Variants in CPPED1 observed in about 807,000 individuals in gnomAD.
CPPED1 encodes calcineurin like phosphoesterase domain containing 1.
CPPED1 carries 28 observed loss-of-function variants against 28.0 expected under a neutral mutation model. The ratio of observed to expected loss-of-function variants is 1.00; its 90% confidence interval spans 0.74 to 1.37. The LOEUF is 1.37. CPPED1 is among the 40% of genes most tolerant of loss of function. CPPED1 has a pLI of 0.00. For synonymous variants in CPPED1, 198 were observed against 180.2 expected, an observed-to-expected ratio of 1.10 and a Z score of -0.79; for missense variants, 504 against 416.5, an observed-to-expected ratio of 1.21 and a Z score of -1.83.
At chr16:12,800,403 G>T (rs1304622349) in intron 1 of CPPED1, among the ~76,000 whole-genome samples, 1 of 148,574 alleles carries the variant, frequency 6.7e-6, no homozygotes, top group Non-Finnish European at 1.5e-5. Flanking sequence ...CTGCACTGCA[G>T]TCTGGGTGAC....
At position 12,682,682 on chromosome 16, in the gene CPPED1, C is replaced by T. The variant is rs1314942090; in HGVS notation, c.716-17567G>A. Among the ~76,000 whole-genome samples the T allele has an allele frequency of 2.0e-5, 3 of 152,236 alleles. No individual in the cohort carries two copies. The highest frequency in any genetic ancestry group is 4.4e-5 in the Non-Finnish European group (3 of 68,038). ...ACGCCCTGGGTGGCACAGCAGGAAG[C>T]TGCGTGTCTTGTACTCAGGCAGCAC... is the stretch of plus-strand genomic sequence containing the variant. On this transcript the variant is annotated intron_variant, in intron 3 of 3. Coordinates refer to ENST00000381774, the MANE Select transcript of CPPED1 (RefSeq NM_018340.3). The surrounding 1 kb of genome is among the most constrained non-coding windows in gnomAD (Gnocchi z 6.1).
chr16:12,704,993 C>T lies in CPPED1; in HGVS notation c.346G>A (p.Asp116Asn). The part of the protein sequence containing the change: ...EDLKRVLRAV[D>N]RAIPLVLVSG... ...ACAAGGACCAGTGGGATGGCCCTGT[C>T]CACTGCCCTAAGCACTCGCTTCAGG... Residue 116 changes from aspartate (D) to asparagine (N), a missense_variant, in exon 3 of 4, where the codon GAC (aspartate) becomes AAC (asparagine). Transcript: ENST00000381774. 1 of 1,614,218 alleles carries T rather than the reference C, an allele frequency of 6.2e-7. No homozygotes were observed. Among genetic ancestry groups the T allele is most frequent in the Admixed American group, 1.7e-5 (1 of 60,018 alleles).
At chr16:12,779,770 T>C (rs142645427) in intron 2 of CPPED1, among the ~76,000 whole-genome samples, 209 of 152,218 alleles carry the variant, frequency 1.4e-3, no homozygotes, top group African/African-American at 4.8e-3. Context: ...TCAGGCTTAC[T>C]ACAGGGTACC....
chr16:12,782,665 G>A (rs2080539453), intron 1 of CPPED1, among the ~76,000 whole-genome samples: 1 of 151,476 alleles, frequency 6.6e-6, no homozygotes, highest in Non-Finnish European at 1.5e-5. Flanking sequence ...TCTGAGACCA[G>A]CCTGGGCAAC....
At chr16:12,774,708 G>C (rs761921308) in intron 2 of CPPED1, among the ~76,000 whole-genome samples, 20 of 152,306 alleles carry the variant, frequency 1.3e-4, no homozygotes, top group Non-Finnish European at 2.4e-4. Context: ...TGGCTGGATC[G>C]TGAGGGCCAT....
intron 1 of CPPED1, among the ~76,000 whole-genome samples, chr16:12,791,046 CT>C (rs111503541): frequency 0.065 from 9,197 of 141,534 alleles, 633 homozygotes; most frequent in African/African-American, 0.17. Flanking sequence ...AATCCATCAT[CT>C]TTTTTTTTTT....
chr16:12,731,287 G>C (rs1009668959), intron 2 of CPPED1, among the ~76,000 whole-genome samples: 11 of 151,096 alleles, frequency 7.3e-5, no homozygotes, highest in African/African-American at 2.7e-4. Flanking sequence ...CCGAGTAGCT[G>C]GGACCACAGG....
chr16:12,727,398 G>A (rs967655948), intron 2 of CPPED1, among the ~76,000 whole-genome samples: 5 of 152,152 alleles, frequency 3.3e-5, no homozygotes, highest in African/African-American at 1.2e-4. Context: ...TGCTGCCCAG[G>A]CTGGAGTGCA....
chr16:12,731,892 G>A (rs1004274322), intron 2 of CPPED1, among the ~76,000 whole-genome samples: 1 of 151,896 alleles, frequency 6.6e-6, no homozygotes, highest in Non-Finnish European at 1.5e-5. Flanking sequence ...GCTGGGTGTG[G>A]TGGCTCACGC....
chr16:12,698,224 C>T (rs576178630), intron 3 of CPPED1, among the ~76,000 whole-genome samples: 3 of 152,216 alleles, frequency 2.0e-5, no homozygotes, highest in Non-Finnish European at 2.9e-5. Context: ...GACCACTATT[C>T]ACCTATTGGG....
At chr16:12,749,882 G>A (rs969560365) in intron 2 of CPPED1, among the ~76,000 whole-genome samples, 10 of 152,146 alleles carry the variant, frequency 6.6e-5, no homozygotes, top group Admixed American at 2.0e-4. Flanking sequence ...GAGGCACCGC[G>A]CCTGGCAGAA....
At chr16:12,741,532 T>G (rs1442879195) in intron 2 of CPPED1, among the ~76,000 whole-genome samples, 1 of 152,244 alleles carries the variant, frequency 6.6e-6, no homozygotes, top group Non-Finnish European at 1.5e-5. Flanking sequence ...ACACCATTAA[T>G]CTGTTCACAC....
chr16:12,798,930 C>A (rs2080642412), intron 1 of CPPED1, among the ~76,000 whole-genome samples: 2 of 152,134 alleles, frequency 1.3e-5, no homozygotes, highest in African/African-American at 4.8e-5. Context: ...TTTTAATCAA[C>A]ATCCGTCAAC....
At chr16:12,780,425 C>T (rs780000155) in intron 2 of CPPED1, among the ~76,000 whole-genome samples, 8 of 152,120 alleles carry the variant, frequency 5.3e-5, no homozygotes, top group Non-Finnish European at 1.0e-4. Flanking sequence ...ATCCGCCCAC[C>T]TCAGCCTCCC....
chr16:12,762,419 A>G (rs2080415000), intron 2 of CPPED1, among the ~76,000 whole-genome samples: 1 of 152,246 alleles, frequency 6.6e-6, no homozygotes, highest in Admixed American at 6.5e-5. Flanking sequence ...AGTGATTCAA[A>G]TTAATCAACA....
chr16:12,675,710 A>G (rs1334389392), intron 3 of CPPED1, among the ~76,000 whole-genome samples: 2 of 152,242 alleles, frequency 1.3e-5, no homozygotes, highest in Non-Finnish European at 2.9e-5. Flanking sequence ...GCATGAGACT[A>G]TATTTGTGAA....
At chr16:12,735,832 T>G (rs187872677) in intron 2 of CPPED1, among the ~76,000 whole-genome samples, 29 of 152,336 alleles carry the variant, frequency 1.9e-4, no homozygotes, top group Non-Finnish European at 3.1e-4. Context: ...GTCCAGACAT[T>G]ATGCTCACAT....
At chr16:12,674,950 G>C (rs1439814404) in intron 3 of CPPED1, among the ~76,000 whole-genome samples, 2 of 152,198 alleles carry the variant, frequency 1.3e-5, no homozygotes, top group Non-Finnish European at 2.9e-5. Flanking sequence ...CTCCAGGGCA[G>C]GGCCAGCTTC....
chr16:12,745,330 A>G (rs575242133), intron 2 of CPPED1, among the ~76,000 whole-genome samples: 60 of 152,360 alleles, frequency 3.9e-4, no homozygotes, highest in Admixed American at 1.8e-3. Context: ...GTACATACCC[A>G]GAGGAATATA....
Sources: gnomAD v4.1 joint callset for allele counts (sites outside exome capture counted in the v4.1 genomes callset) on GRCh38, gnomAD v4.1.1 for gene constraint, Gnocchi (gnomAD v3.1) non-coding constraint, MANE v1.5 for transcripts, NCBI Gene and HGNC (gene_info 2026-07-23, HGNC 2026-07-21) for gene names.